RIGI: variants seen among roughly 807,000 people sequenced by gnomAD.
RIGI encodes the protein RNA sensor RIG-I.
At chr9:32,526,153 T>C in the RIGI span, 1 of 1,612,760 alleles carries the variant, frequency 6.2e-7, no homozygotes, top group South Asian at 1.1e-5. Flanking sequence ...GCTGCGTCGC[T>C]GCTCGGTGGT....
At chr9:32,458,740 CAT>C in the RIGI span, among the ~76,000 whole-genome samples, 6 of 152,184 alleles carry the variant, frequency 3.9e-5, no homozygotes, top group East Asian at 1.2e-3. Flanking sequence ...GTTAACATCT[CAT>C]ATACCACAGC....
chr9:32,501,785 G>A, the RIGI span, among the ~76,000 whole-genome samples: 11 of 152,162 alleles, frequency 7.2e-5, no homozygotes, highest in Admixed American at 3.9e-4. Flanking sequence ...GACCTAGCAC[G>A]TAATAGACAA....
the RIGI span, among the ~76,000 whole-genome samples, chr9:32,474,690 C>G: frequency 6.6e-6 from 1 of 152,144 alleles, no homozygotes; most frequent in Non-Finnish European, 1.5e-5. Flanking sequence ...AAGCCATGGC[C>G]AGCACCTTCA....
the RIGI span, among the ~76,000 whole-genome samples, chr9:32,466,711 AAAAAAAG>A: frequency 1.4e-5 from 2 of 146,884 alleles, no homozygotes. Context: ...AAAAAAAAAA[AAAAAAAG>A]ACTCAAATGC....
At chr9:32,504,035 C>CACACACACACACACACA in the RIGI span, among the ~76,000 whole-genome samples, 1 of 40,458 alleles carries the variant, frequency 2.5e-5, no homozygotes, top group African/African-American at 9.4e-5. Flanking sequence ...GAGCAAGACT[C>CACACACACACACACACA]CAAACACACA....
the RIGI span, among the ~76,000 whole-genome samples, chr9:32,497,542 T>C: frequency 4.3e-4 from 66 of 152,310 alleles, no homozygotes; most frequent in Admixed American, 3.7e-3. Flanking sequence ...GGTCAGGAGA[T>C]TGAGACCATC....
chr9:32,465,815 T>C, the RIGI span, among the ~76,000 whole-genome samples: 1 of 152,370 alleles, frequency 6.6e-6, no homozygotes, highest in African/African-American at 2.4e-5. Context: ...TTCATGTTTC[T>C]GTGTTACGGA....
the RIGI span, chr9:32,498,435 T>TA: frequency 6.7e-6 from 3 of 446,596 alleles, no homozygotes; most frequent in Non-Finnish European, 1.4e-5. Context: ...TTCCTGCTTC[T>TA]GGCCCGAGGC....
the RIGI span, among the ~76,000 whole-genome samples, chr9:32,504,714 TATATATAAA>T: frequency 2.2e-3 from 317 of 143,854 alleles, 2 homozygotes; most frequent in African/African-American, 7.8e-3. Context: ...ATACATTTAA[TATATATAAA>T]ATATATAAAA....
At chr9:32,506,252 T>C in the RIGI span, among the ~76,000 whole-genome samples, 1 of 152,102 alleles carries the variant, frequency 6.6e-6, no homozygotes, top group Non-Finnish European at 1.5e-5. Context: ...AATGAATAAA[T>C]GAATCAATGA....
the RIGI span, chr9:32,492,384 G>A: frequency 3.1e-6 from 5 of 1,614,044 alleles, no homozygotes; most frequent in African/African-American, 1.3e-5. Flanking sequence ...AGGGTACAGT[G>A]TCTTACCTTT....
At chr9:32,497,504 T>C in the RIGI span, among the ~76,000 whole-genome samples, 15 of 152,274 alleles carry the variant, frequency 9.9e-5, no homozygotes, top group Admixed American at 4.6e-4. Flanking sequence ...TCCAAGCACT[T>C]TGGGAGGCCG....
the RIGI span, among the ~76,000 whole-genome samples, chr9:32,499,475 G>A: frequency 1.0e-3 from 155 of 150,874 alleles, no homozygotes; most frequent in African/African-American, 3.5e-3. Context: ...ATTTAAATTT[G>A]AGAAGGAGTT....
the RIGI span, among the ~76,000 whole-genome samples, chr9:32,508,709 T>G: frequency 4.6e-5 from 7 of 152,056 alleles, no homozygotes; most frequent in African/African-American, 1.7e-4. Context: ...TGCAGTTTTT[T>G]TTTTCATACC....
At chr9:32,491,859 CCAGATATT>C in the RIGI span, among the ~76,000 whole-genome samples, 1 of 152,056 alleles carries the variant, frequency 6.6e-6, no homozygotes, top group Non-Finnish European at 1.5e-5. Context: ...AAAGCTAAGA[CCAGATATT>C]CAGATGTTTA....
At chr9:32,477,533 A>G in the RIGI span, among the ~76,000 whole-genome samples, 1 of 152,228 alleles carries the variant, frequency 6.6e-6, no homozygotes, top group Non-Finnish European at 1.5e-5. Context: ...GTGAAAATTA[A>G]TAAGGGAGCT....
the RIGI span, among the ~76,000 whole-genome samples, chr9:32,505,006 A>G: frequency 7.6e-6 from 1 of 131,860 alleles, no homozygotes; most frequent in East Asian, 2.0e-4. Context: ...TATAATATAT[A>G]TGTTTAAATA....
chr9:32,457,289 G>A, the RIGI span: 6 of 1,614,128 alleles, frequency 3.7e-6, no homozygotes, highest in Non-Finnish European at 5.1e-6. Context: ...CCCCAGTCAT[G>A]GCTGCAGTTC....
chr9:32,491,335 G>A, the RIGI span: 1 of 1,613,296 alleles, frequency 6.2e-7, no homozygotes, highest in Non-Finnish European at 8.5e-7. Flanking sequence ...TAAGATTCTG[G>A]CATTCTGGAT....
Sources: gnomAD v4.1 joint callset for allele counts (sites outside exome capture counted in the v4.1 genomes callset) on GRCh38, gnomAD v4.1.1 for gene constraint, MANE v1.5 for transcripts, NCBI Gene and HGNC (gene_info 2026-07-23, HGNC 2026-07-21) for gene names.